NARS2: variants seen among roughly 807,000 people sequenced by gnomAD.
NARS2 encodes the protein asparaginyl-tRNA synthetase 2, mitochondrial.
NARS2 carries 60 observed loss-of-function variants against 62.9 expected under a neutral mutation model. The observed-to-expected ratio is 0.95, with a 90% CI of 0.77 to 1.18. NARS2 has a LOEUF of 1.18. Ranked by LOEUF, NARS2 falls within the 50% of genes most tolerant of loss-of-function variation. The probability of loss-of-function intolerance (pLI) is 0.00; values close to 1 mark genes in which losing one functional copy is unlikely to be tolerated. For synonymous variants in NARS2, 196 were observed against 200.0 expected, an observed-to-expected ratio of 0.98 and a Z score of 0.17; for missense variants, 619 against 576.4, an observed-to-expected ratio of 1.07 and a Z score of -0.76.
intron 11 of NARS2, 148 bp downstream of exon 11, chr11:78,465,728 T>C (rs1265538521): frequency 1.2e-6 from 1 of 853,776 alleles, no homozygotes; most frequent in Non-Finnish European, 1.8e-6. Flanking sequence ...GGATCTTCTT[T>C]GGGAAAAATT....
intron 9 of NARS2, among the ~76,000 whole-genome samples, chr11:78,473,867 A>G (rs1268035336): frequency 1.3e-5 from 2 of 152,156 alleles, no homozygotes; most frequent in Non-Finnish European, 2.9e-5. Flanking sequence ...CATGCATTTC[A>G]GGGGATATCT....
chr11:78,551,424 C>A (rs373612284), intron 5 of NARS2, among the ~76,000 whole-genome samples: 16 of 152,290 alleles, frequency 1.1e-4, no homozygotes, highest in Admixed American at 2.0e-4. Flanking sequence ...AGTAAAAATA[C>A]AGTATTATAA....
intron 4 of NARS2, among the ~76,000 whole-genome samples, chr11:78,561,363 T>C (rs1856550432): frequency 1.3e-5 from 2 of 152,184 alleles, no homozygotes. Context: ...GTATTGTCAG[T>C]ATGTGCCTCA....
intron 7 of NARS2, among the ~76,000 whole-genome samples, chr11:78,485,434 G>A (rs1859530542): frequency 6.6e-6 from 1 of 151,910 alleles, no homozygotes; most frequent in Non-Finnish European, 1.5e-5. Context: ...AGAATACAAA[G>A]AGCAACTACC....
intron 7 of NARS2, 115 bp from the exon 8 acceptor site, chr11:78,478,798 T>A: frequency 2.0e-6 from 1 of 506,864 alleles, no homozygotes; most frequent in Non-Finnish European, 3.4e-6. Flanking sequence ...CCACCAAGTC[T>A]TTTAATCCTT....
At chr11:78,453,277 T>C (rs1429275036) in intron 11 of NARS2, among the ~76,000 whole-genome samples, 2 of 152,182 alleles carry the variant, frequency 1.3e-5, no homozygotes, top group East Asian at 3.9e-4. Flanking sequence ...CTGACACATC[T>C]TCCTCCAGTT....
chr11:78,445,921 C>T (rs879479979), intron 11 of NARS2, among the ~76,000 whole-genome samples: 1 of 152,130 alleles, frequency 6.6e-6, no homozygotes, highest in Non-Finnish European at 1.5e-5. Context: ...GATTATACCA[C>T]CTGTACTCTA....
At chr11:78,452,147 T>C (rs190432195) in intron 11 of NARS2, among the ~76,000 whole-genome samples, 13 of 152,208 alleles carry the variant, frequency 8.5e-5, no homozygotes, top group East Asian at 7.7e-4. Context: ...TCTCACTCTG[T>C]TGCCAGGCTG....
At chr11:78,466,155 G>A (rs1015561132) in intron 10 of NARS2, 142 bp from the exon 11 acceptor site, 2 of 796,200 alleles carry the variant, frequency 2.5e-6, no homozygotes, top group African/African-American at 3.5e-5. Flanking sequence ...AGGTTACACA[G>A]CTGACTAAAC....
At chr11:78,438,279 A>C (rs535839458) in intron 13 of NARS2, among the ~76,000 whole-genome samples, 1 of 152,278 alleles carries the variant, frequency 6.6e-6, no homozygotes, top group South Asian at 2.1e-4. Context: ...CTAGTATAAA[A>C]CTTCAGATTA....
intron 6 of NARS2, among the ~76,000 whole-genome samples, chr11:78,523,824 A>G (rs549863573): frequency 6.6e-6 from 1 of 152,292 alleles, no homozygotes; most frequent in African/African-American, 2.4e-5. Flanking sequence ...AAAGAAGAGG[A>G]TAGGGAGTGA....
At chr11:78,509,998 A>G (rs1311978999) in intron 6 of NARS2, among the ~76,000 whole-genome samples, 1 of 152,146 alleles carries the variant, frequency 6.6e-6, no homozygotes, top group Non-Finnish European at 1.5e-5. Context: ...GCAAAAGAAA[A>G]TAAGAAAGAA....
intron 6 of NARS2, among the ~76,000 whole-genome samples, chr11:78,511,710 C>G (rs1860728886): frequency 7.6e-6 from 1 of 130,832 alleles, no homozygotes. Context: ...GAGCGAGACT[C>G]CGTCTCCAAA....
At chr11:78,498,526 C>A (rs988065487) in intron 6 of NARS2, among the ~76,000 whole-genome samples, 1 of 152,110 alleles carries the variant, frequency 6.6e-6, no homozygotes, top group Non-Finnish European at 1.5e-5. Flanking sequence ...TTCTAACCAG[C>A]CCTCTTCTCT....
At position 78,568,633 on chromosome 11, in the gene NARS2, T is replaced by G. The variant is rs1273887695; in HGVS notation, c.371A>C (p.Lys124Thr). Residue 124 changes from lysine (K) to threonine (T), a missense_variant and splice_region_variant, in exon 3 of 14, where the codon AAG becomes ACG. By Grantham distance (78) the Lys-to-Thr change is moderately conservative. Transcript: ENST00000281038. The part of the protein sequence containing the change: ...KIKVIGNCDA[K>T]DFPIKYKERH... ...CCACAAAAGTGTCAGAAATCATACC[T>G]TGGCATCACAATTTCCAATAACTTT... 1.2e-6 allele frequency: 2 copies of G among 1,611,960 alleles called. No individual in the cohort carries two copies. Among genetic ancestry groups the G allele is most frequent in the Non-Finnish European group, 1.7e-6 (2 of 1,178,802 alleles).
intron 6 of NARS2, among the ~76,000 whole-genome samples, chr11:78,515,313 C>G (rs529755898): frequency 6.6e-6 from 1 of 152,098 alleles, no homozygotes; most frequent in Non-Finnish European, 1.5e-5. Flanking sequence ...ATCAGCATCA[C>G]CTGGTGGCCT....
chr11:78,565,953 T>A (rs113303829), intron 4 of NARS2, among the ~76,000 whole-genome samples, 179 bp downstream of exon 4: 1 of 152,132 alleles, frequency 6.6e-6, no homozygotes, highest in Non-Finnish European at 1.5e-5. Context: ...AAATTCACAA[T>A]GTCTGGCACC....
intron 6 of NARS2, among the ~76,000 whole-genome samples, chr11:78,509,538 T>TAA (rs750079638): frequency 3.3e-5 from 5 of 151,318 alleles, no homozygotes; most frequent in African/African-American, 1.2e-4. Context: ...TAATACACTT[T>TAA]AAAAAAAAAC....
chr11:78,570,956 G>C (rs1856901087), intron 2 of NARS2, among the ~76,000 whole-genome samples: 3 of 152,160 alleles, frequency 2.0e-5, no homozygotes. Flanking sequence ...TCATGGGATG[G>C]GAACATCAGA....
Sources: gnomAD v4.1 joint callset for allele counts (sites outside exome capture counted in the v4.1 genomes callset) on GRCh38, gnomAD v4.1.1 for gene constraint, MANE v1.5 for transcripts, NCBI Gene and HGNC (gene_info 2026-07-23, HGNC 2026-07-21) for gene names.